Variants in ABTB3 observed in about 807,000 individuals in gnomAD.
ABTB3 encodes ankyrin repeat and BTB domain containing 3, also known as ankyrin repeat- and BTB/POZ domain-containing protein 3.
the ABTB3 span, among the ~76,000 whole-genome samples, chr12:107,449,839 C>T: frequency 3.3e-5 from 5 of 152,002 alleles, no homozygotes; most frequent in African/African-American, 1.2e-4. Flanking sequence ...GACAGAGTCT[C>T]ACTTTGTTTC....
At chr12:107,353,407 TGG>T in the ABTB3 span, among the ~76,000 whole-genome samples, 1 of 152,022 alleles carries the variant, frequency 6.6e-6, no homozygotes, top group African/African-American at 2.4e-5. Context: ...CAGAGCACAG[TGG>T]ATATTGACAT....
At chr12:107,431,566 A>T in the ABTB3 span, among the ~76,000 whole-genome samples, 1 of 152,026 alleles carries the variant, frequency 6.6e-6, no homozygotes, top group Non-Finnish European at 1.5e-5. Flanking sequence ...CCGAGATTGC[A>T]CCATTGCACT....
the ABTB3 span, among the ~76,000 whole-genome samples, chr12:107,438,269 C>T: frequency 1.3e-5 from 2 of 152,092 alleles, no homozygotes; most frequent in Admixed American, 1.3e-4. Context: ...ACCCTTTTTT[C>T]ATGCATTGAC....
chr12:107,624,136 T>C, the ABTB3 span, among the ~76,000 whole-genome samples: 1 of 151,378 alleles, frequency 6.6e-6, no homozygotes, highest in Non-Finnish European at 1.5e-5. Flanking sequence ...TTCTTCTATG[T>C]GTAATGAATG....
At chr12:107,343,959 T>G in the ABTB3 span, among the ~76,000 whole-genome samples, 1 of 152,154 alleles carries the variant, frequency 6.6e-6, no homozygotes, top group African/African-American at 2.4e-5. Flanking sequence ...GATTACAATT[T>G]GGATTACAAT....
chr12:107,511,281 A>G, the ABTB3 span, among the ~76,000 whole-genome samples: 1 of 152,236 alleles, frequency 6.6e-6, no homozygotes, highest in African/African-American at 2.4e-5. Flanking sequence ...CAGTTTCATA[A>G]CTGATAAGTA....
the ABTB3 span, among the ~76,000 whole-genome samples, chr12:107,361,030 C>G: frequency 7.0e-6 from 1 of 142,706 alleles, no homozygotes; most frequent in Non-Finnish European, 1.5e-5. Context: ...CCTTGGCCTC[C>G]CAAAGCAGCA....
the ABTB3 span, among the ~76,000 whole-genome samples, chr12:107,436,942 G>T: frequency 6.6e-6 from 1 of 151,866 alleles, no homozygotes; most frequent in Non-Finnish European, 1.5e-5. Context: ...CTTTCTCCCC[G>T]CTTCTGCATC....
the ABTB3 span, among the ~76,000 whole-genome samples, chr12:107,448,622 GTTCTTTCTTTCTTTCT>G: frequency 6.6e-6 from 1 of 151,454 alleles, no homozygotes; most frequent in Non-Finnish European, 1.5e-5. Context: ...GAACCTGTAT[GTTCTTTCTTTCTTTCT>G]TTCTTTCTTT....
At chr12:107,424,384 G>A in the ABTB3 span, among the ~76,000 whole-genome samples, 1 of 152,178 alleles carries the variant, frequency 6.6e-6, no homozygotes, top group African/African-American at 2.4e-5. Flanking sequence ...CTGCTCTGTG[G>A]TCCATTCAGG....
chr12:107,642,065 ATC>A, the ABTB3 span: 1 of 1,604,876 alleles, frequency 6.2e-7, no homozygotes, highest in Non-Finnish European at 8.5e-7. Flanking sequence ...AGTCTTTTTT[ATC>A]TCTTTTTTAT....
the ABTB3 span, among the ~76,000 whole-genome samples, chr12:107,433,880 C>T: frequency 6.5e-4 from 99 of 152,276 alleles, no homozygotes; most frequent in African/African-American, 2.2e-3. Flanking sequence ...AGGGATCAGT[C>T]GGGTTCTAGC....
At chr12:107,632,971 A>G in the ABTB3 span, among the ~76,000 whole-genome samples, 1 of 152,170 alleles carries the variant, frequency 6.6e-6, no homozygotes, top group Admixed American at 6.5e-5. Flanking sequence ...TCTCTTTGTC[A>G]TCTTGTTCTC....
the ABTB3 span, among the ~76,000 whole-genome samples, chr12:107,560,875 G>A: frequency 6.6e-6 from 1 of 152,202 alleles, no homozygotes. Context: ...TTTGGTGGCT[G>A]TGTTTGTTTG....
the ABTB3 span, among the ~76,000 whole-genome samples, chr12:107,565,386 C>T: frequency 1.7e-4 from 26 of 152,170 alleles, no homozygotes; most frequent in Non-Finnish European, 2.4e-4. Flanking sequence ...GTATGCCAGA[C>T]GTAGATGAAG....
chr12:107,564,090 C>CTCTGTGTGTGTGTG, the ABTB3 span, among the ~76,000 whole-genome samples: 4 of 126,440 alleles, frequency 3.2e-5, no homozygotes, highest in African/African-American at 1.1e-4. Context: ...ATCTATCTCT[C>CTCTGTGTGTGTGTG]TGTGTGTGTG....
chr12:107,470,686 A>G, the ABTB3 span, among the ~76,000 whole-genome samples: 1 of 152,162 alleles, frequency 6.6e-6, no homozygotes, highest in Non-Finnish European at 1.5e-5. Context: ...CTAATTAAAG[A>G]CAAAATTAAC....
At chr12:107,544,166 G>A in the ABTB3 span, 1 of 1,603,930 alleles carries the variant, frequency 6.2e-7, no homozygotes, top group Admixed American at 1.7e-5. Context: ...CTTGCCTTGT[G>A]GTGGGTGGGT....
the ABTB3 span, among the ~76,000 whole-genome samples, chr12:107,415,812 T>G: frequency 2.0e-5 from 3 of 152,168 alleles, no homozygotes; most frequent in African/African-American, 7.2e-5. Flanking sequence ...ATGGTAGAGC[T>G]AGAATTTGAA....
Sources: gnomAD v4.1 joint callset for allele counts (sites outside exome capture counted in the v4.1 genomes callset) on GRCh38, gnomAD v4.1.1 for gene constraint, MANE v1.5 for transcripts, NCBI Gene and HGNC (gene_info 2026-07-23, HGNC 2026-07-21) for gene names.